SERINC5: variants seen among roughly 807,000 people sequenced by gnomAD.
SERINC5 encodes chromosome 5 open reading frame 12.
SERINC5 carries 41 observed loss-of-function variants against 63.1 expected under a neutral mutation model. That is an observed-to-expected ratio of 0.65 (90% CI 0.51 to 0.84). SERINC5 has a LOEUF of 0.84. Ranked by LOEUF, SERINC5 falls within the 40% of genes least tolerant of loss-of-function variation. The pLI is 0.00. For missense variants in SERINC5, 523 were observed against 573.0 expected (o/e 0.91, Z 0.89); for synonymous variants, 222 against 215.2 (o/e 1.03, Z -0.28).
At chr5:80,189,821 C>G (rs953887884) in intron 2 of SERINC5, among the ~76,000 whole-genome samples, 3 of 152,142 alleles carry the variant, frequency 2.0e-5, no homozygotes, top group African/African-American at 7.2e-5. Context: ...AAGCCATCCT[C>G]CCACTTCAGC....
At chr5:80,164,269 G>T (rs1471123538) in intron 7 of SERINC5, among the ~76,000 whole-genome samples, 4 of 137,730 alleles carry the variant, frequency 2.9e-5, no homozygotes, top group Non-Finnish European at 6.2e-5. Flanking sequence ...TATCAATTTT[G>T]TTTATCTTTT....
At chr5:80,250,612 C>G (rs1752368007) in intron 1 of SERINC5, among the ~76,000 whole-genome samples, 1 of 152,218 alleles carries the variant, frequency 6.6e-6, no homozygotes, top group Non-Finnish European at 1.5e-5. Context: ...AGGCGTGAGC[C>G]ACCATGCCCG....
intron 12 of SERINC5, among the ~76,000 whole-genome samples, chr5:80,112,492 A>G (rs1159721569): frequency 2.6e-5 from 4 of 152,152 alleles, no homozygotes; most frequent in Admixed American, 6.5e-5. Flanking sequence ...GAGGGAACTC[A>G]GAGACCGGTG....
At chr5:80,210,527 A>G (rs564212945) in intron 1 of SERINC5, among the ~76,000 whole-genome samples, 34 of 152,296 alleles carry the variant, frequency 2.2e-4, no homozygotes, top group Middle Eastern at 3.4e-3. Flanking sequence ...GTAACTTCCA[A>G]GTACTACTTC....
At position 80,229,048 on chromosome 5, in the gene SERINC5, T is replaced by TGGGGGAG. The variant is rs1268048981; in HGVS notation, c.28-25996_28-25995insCTCCCCC. On this transcript the variant is annotated intron_variant, in intron 1 of 11. Coordinates refer to ENST00000507668, the MANE Select transcript of SERINC5 (RefSeq NM_001174072.3). ...TTTTTTTTTTTTTTTTTTTTTTTTT[T>TGGGGGAG]TTGGGGATGGAGTTGCCTAGGCTGG... is the stretch of plus-strand genomic sequence containing the variant. Among the ~76,000 whole-genome samples, 5 of 26,760 alleles carry TGGGGGAG rather than the reference T, an allele frequency of 1.9e-4. No individual in the cohort carries two copies. The African/African-American group carries it at 2.1e-3, about 11-fold the overall frequency. The allele number at this position is 26,760 out of a possible 152,430, so 17.6% of individuals were successfully genotyped here.
At chr5:80,217,328 G>T (rs575943354) in intron 1 of SERINC5, among the ~76,000 whole-genome samples, 3 of 152,174 alleles carry the variant, frequency 2.0e-5, no homozygotes, top group Non-Finnish European at 4.4e-5. Flanking sequence ...AGATTATGCT[G>T]CAAGGGAGAA....
At chr5:80,127,550 C>G (rs1459251997) in intron 11 of SERINC5, among the ~76,000 whole-genome samples, 5 of 152,166 alleles carry the variant, frequency 3.3e-5, no homozygotes, top group African/African-American at 1.2e-4. Flanking sequence ...CACCTACCTC[C>G]AAAATGTCAT....
intron 2 of SERINC5, among the ~76,000 whole-genome samples, chr5:80,191,871 T>C (rs921936635): frequency 1.3e-5 from 2 of 152,200 alleles, no homozygotes; most frequent in African/African-American, 2.4e-5. Context: ...ACTCTGGTAC[T>C]CTGAGCACAA....
intron 1 of SERINC5, among the ~76,000 whole-genome samples, chr5:80,247,254 C>T (rs1462067203): frequency 2.0e-5 from 3 of 152,150 alleles, no homozygotes; most frequent in African/African-American, 7.2e-5. Flanking sequence ...TTCTGAGGCT[C>T]TAACTGGTGA....
chr5:80,211,765 T>C (rs915662507), intron 1 of SERINC5, among the ~76,000 whole-genome samples: 4 of 152,342 alleles, frequency 2.6e-5, no homozygotes, highest in Admixed American at 2.6e-4. Context: ...ACGTTCTGCA[T>C]GGTAACAGCT....
At position 80,143,221 on chromosome 5, in the gene SERINC5, A is replaced by G. The variant is rs1323771695; in HGVS notation, c.*442T>C. ...CAAAGCCCCCTGGGGACAAGGCTCT[A>G]AGAGGCGGAAGTGAGTGAGAGGGGT... On this transcript the variant is annotated 3_prime_UTR_variant, in exon 12 of 12. Coordinates refer to ENST00000507668, the MANE Select transcript of SERINC5 (RefSeq NM_001174072.3). 4 of 989,640 alleles carry G rather than the reference A, an allele frequency of 4.0e-6. No individual in the cohort carries two copies. Among genetic ancestry groups the G allele is most frequent in the Non-Finnish European group, 4.8e-6 (4 of 832,818 alleles). The allele number at this position is 989,640 out of a possible 1,614,324, so 61.3% of individuals were successfully genotyped here. A position where few individuals can be genotyped will look rare whatever the true frequency, so the allele number is the denominator to read the frequency against.
Position 80,143,567 on chromosome 5 carries a change from A to C in SERINC5, c.*96T>G. The C allele has an allele frequency of 7.1e-7, 1 of 1,407,446 alleles. No homozygotes were observed. Among genetic ancestry groups the C allele is most frequent in the Non-Finnish European group, 9.3e-7 (1 of 1,080,718 alleles). 87.2% of individuals were successfully genotyped at this position (1,407,446 alleles called of 1,614,324 possible). ...TCTCAAAGCTTTTTCAGACCCACTC[A>C]GGCACAGGGCGCCAGTCCCTGCCCC... On this transcript the variant is annotated 3_prime_UTR_variant, in exon 12 of 12. Transcript: ENST00000507668.
At chr5:80,144,698 C>T (rs1161464861) in intron 11 of SERINC5, among the ~76,000 whole-genome samples, 1 of 152,130 alleles carries the variant, frequency 6.6e-6, no homozygotes, top group Non-Finnish European at 1.5e-5. Context: ...CCAATTCCCT[C>T]TCCTAATTTT....
rs1279144164 is a variant in SERINC5, at chr5:80,169,509, A to G, written c.589T>C (p.Ser197Pro). The change falls in exon 6 of 12, where the codon TCC (serine) becomes CCC (proline). Residue 197 changes from serine (S) to proline (P), a missense_variant. Coordinates refer to ENST00000507668, the MANE Select transcript of SERINC5 (RefSeq NM_001174072.3). ...GTASNKLWYA[S>P]LALVTLIMYS... is the part of the protein sequence containing the mutation. ...ATGATGAGCGTCACCAGGGCCAGGG[A>G]GGCGTACCACAGCTTGTTACTGGCT... 6.2e-7 allele frequency: 1 copy of G among 1,613,742 alleles called. No individual in the cohort carries two copies. Among genetic ancestry groups the G allele is most frequent in the Non-Finnish European group, 8.5e-7 (1 of 1,179,850 alleles).
intron 11 of SERINC5, among the ~76,000 whole-genome samples, chr5:80,118,549 TTTTC>T (rs961914963): frequency 1.1e-4 from 17 of 151,956 alleles, no homozygotes; most frequent in African/African-American, 2.2e-4. Flanking sequence ...AGTCTCTTTT[TTTTC>T]TTTCTTTCTT....
At chr5:80,120,949 G>A (rs906816207) in intron 11 of SERINC5, among the ~76,000 whole-genome samples, 105 of 152,090 alleles carry the variant, frequency 6.9e-4, no homozygotes, top group African/African-American at 2.3e-3. Flanking sequence ...GTGCAATGGC[G>A]CGATCTTGAC....
rs36036473 is a variant in SERINC5, at chr5:80,132,610, T to TA, written c.1238+13479dup. Reference sequence around the variant, plus strand: ...CATTTGCCTTAGTTCTTTTTTTTTTTATTTCCACCATGCCTGGCTAATTTT... The same window carrying TA: ...CATTTGCCTTAGTTCTTTTTTTTTTTAATTTCCACCATGCCTGGCTAATTTT... On this transcript the variant is annotated intron_variant, in intron 11 of 12. Coordinates refer to the SERINC5 transcript ENST00000509193. 1.7e-3 allele frequency among the ~76,000 whole-genome samples: 256 copies of TA among 151,076 alleles called. 3 individuals are homozygous for TA. The highest frequency in any genetic ancestry group is 5.8e-3 in the African/African-American group (240 of 41,192).
At chr5:80,197,752 C>T (rs984420573) in intron 2 of SERINC5, among the ~76,000 whole-genome samples, 2 of 152,216 alleles carry the variant, frequency 1.3e-5, no homozygotes, top group Non-Finnish European at 2.9e-5. Flanking sequence ...GAATCTTCCT[C>T]AAACACAGAC....
intron 7 of SERINC5, among the ~76,000 whole-genome samples, chr5:80,165,602 T>G (rs1283686055): frequency 1.3e-5 from 2 of 152,158 alleles, no homozygotes; most frequent in Non-Finnish European, 1.5e-5. Context: ...CTCTAATCAC[T>G]ATGTTCTGTT....
Sources: allele counts gnomAD v4.1 joint callset (sites outside exome capture counted in the v4.1 genomes callset), GRCh38; gene constraint gnomAD v4.1.1; transcripts MANE v1.5; gene names NCBI Gene and HGNC (gene_info 2026-07-23, HGNC 2026-07-21).